The following METTL24 variants were observed in gnomAD, a reference collection of about 807,000 sequenced individuals.
METTL24 encodes the protein probable methyltransferase-like protein 24.
A neutral mutation model predicts 32.7 loss-of-function variants in METTL24; 29 were observed. That is an observed-to-expected ratio of 0.89 (90% confidence interval 0.66 to 1.21). The LOEUF (loss-of-function observed/expected upper bound fraction) is 1.21. Ranked by LOEUF, METTL24 falls within the 50% of genes most tolerant of loss-of-function variation. METTL24 has a pLI of 0.00. For missense variants in METTL24, 439 were observed against 468.1 expected, an observed-to-expected ratio of 0.94 and a Z score of 0.57; for synonymous variants, 163 against 179.5, an observed-to-expected ratio of 0.91 and a Z score of 0.73.
At chr6:110,301,694 A>G (rs569151883) in intron 3 of METTL24, among the ~76,000 whole-genome samples, 2 of 152,354 alleles carry the variant, frequency 1.3e-5, no homozygotes, top group East Asian at 3.9e-4. Context: ...CAGTAAAGAC[A>G]TACAAGCAAC....
At chr6:110,272,295 ATT>A (rs1453320670) in intron 4 of METTL24, among the ~76,000 whole-genome samples, 1 of 152,224 alleles carries the variant, frequency 6.6e-6, no homozygotes, top group African/African-American at 2.4e-5. Context: ...TGCAAAGGCT[ATT>A]ATTTCATTCC....
chr6:110,324,707 T>C lies in METTL24; in HGVS notation c.319-1835A>G, dbSNP rs533261316. Among the ~76,000 whole-genome samples the C allele has an allele frequency of 3.3e-5, 5 of 152,354 alleles. No homozygotes were observed. The South Asian group carries it at 1.0e-3, about 32-fold the overall frequency. Reference sequence around the variant, plus strand: ...CTGTGCAGGCTGAGCAGGCAGAGACTCTAGTAAGAGAGCTGGAGAACATTA... The same window carrying C: ...CTGTGCAGGCTGAGCAGGCAGAGACCCTAGTAAGAGAGCTGGAGAACATTA... On this transcript the variant is annotated intron_variant, in intron 1 of 4. Transcript: ENST00000338882.
At chr6:110,330,929 C>T (rs62435910) in intron 1 of METTL24, among the ~76,000 whole-genome samples, 16,100 of 152,194 alleles carry the variant, frequency 0.11, 1,407 homozygotes, top group African/African-American at 0.23. Context: ...GGGAAAAAGA[C>T]AATCAGCAGA....
chr6:110,292,091 T>C (rs1771331293), intron 4 of METTL24, among the ~76,000 whole-genome samples: 2 of 152,252 alleles, frequency 1.3e-5, no homozygotes, highest in Non-Finnish European at 2.9e-5. Context: ...AGTGGTTTTG[T>C]AAGTTGTCCA....
chr6:110,273,131 T>C (rs962840592), intron 4 of METTL24, among the ~76,000 whole-genome samples: 5 of 152,134 alleles, frequency 3.3e-5, no homozygotes, highest in Non-Finnish European at 7.3e-5. Context: ...TGTCTTGAGT[T>C]GATTTTTGTA....
At chr6:110,276,893 G>A (rs1427571389) in intron 4 of METTL24, among the ~76,000 whole-genome samples, 1 of 152,084 alleles carries the variant, frequency 6.6e-6, no homozygotes, top group African/African-American at 2.4e-5. Context: ...AAAAGAACAA[G>A]GGAAAAAGGG....
At chr6:110,334,090 G>A (rs1213884379) in intron 1 of METTL24, among the ~76,000 whole-genome samples, 2 of 146,890 alleles carry the variant, frequency 1.4e-5, no homozygotes, top group African/African-American at 2.5e-5. Flanking sequence ...GAAAAGGGGG[G>A]CCTGAGAGAA....
chr6:110,348,736 G>C (rs899259165), intron 1 of METTL24, among the ~76,000 whole-genome samples: 3 of 152,200 alleles, frequency 2.0e-5, no homozygotes, highest in Admixed American at 2.0e-4. Context: ...TTGACTTGGA[G>C]TCTGATTCAT....
rs200539463 is a variant in METTL24, at chr6:110,331,350, GA to G, written c.319-8479del. Among the ~76,000 whole-genome samples, 160 of 142,968 alleles carry G rather than the reference GA, an allele frequency of 1.1e-3. 2 individuals are homozygous for G. The South Asian group carries it at 0.015, about 13-fold the overall frequency. 93.8% of individuals were successfully genotyped at this position (142,968 alleles called of 152,430 possible). ...GAGGGGAAGAAAGAATGCAGTGCAG[GA>G]AAAAAAAAAATTAAAGAAATAATGA... is the stretch of plus-strand genomic sequence containing the variant. On this transcript the variant is annotated intron_variant, in intron 1 of 4. Coordinates refer to ENST00000338882, the MANE Select transcript of METTL24 (RefSeq NM_001123364.3).
intron 1 of METTL24, among the ~76,000 whole-genome samples, chr6:110,328,475 G>A (rs1233732063): frequency 1.3e-5 from 2 of 152,116 alleles, no homozygotes; most frequent in East Asian, 1.9e-4. Flanking sequence ...CTTCCCGAAG[G>A]GTAAAAAGTG....
chr6:110,270,257 C>T (rs1770931428), intron 4 of METTL24, among the ~76,000 whole-genome samples: 1 of 151,934 alleles, frequency 6.6e-6, no homozygotes, highest in Non-Finnish European at 1.5e-5. Context: ...ACTGAGGTTT[C>T]CAGGATCCTC....
intron 1 of METTL24, among the ~76,000 whole-genome samples, chr6:110,327,820 A>C (rs1384288227): frequency 6.6e-6 from 1 of 152,204 alleles, no homozygotes; most frequent in African/African-American, 2.4e-5. Flanking sequence ...CCTCTTTTTA[A>C]TCATTGTGAT....
intron 1 of METTL24, among the ~76,000 whole-genome samples, chr6:110,349,180 C>T (rs1158722819): frequency 2.0e-5 from 3 of 152,174 alleles, no homozygotes; most frequent in South Asian, 2.1e-4. Flanking sequence ...GCTTGCTACC[C>T]GTCTCCAACT....
At chr6:110,328,722 C>T (rs545525329) in intron 1 of METTL24, among the ~76,000 whole-genome samples, 1 of 152,280 alleles carries the variant, frequency 6.6e-6, no homozygotes, top group East Asian at 1.9e-4. Flanking sequence ...TACCAGCTTA[C>T]ACTCATGTAC....
At chr6:110,287,088 T>C (rs970182690) in intron 4 of METTL24, among the ~76,000 whole-genome samples, 1 of 152,180 alleles carries the variant, frequency 6.6e-6, no homozygotes, top group African/African-American at 2.4e-5. Context: ...GTTAATTCTG[T>C]CATCAGATGG....
At chr6:110,275,362 T>A (rs1771030818) in intron 4 of METTL24, among the ~76,000 whole-genome samples, 1 of 151,962 alleles carries the variant, frequency 6.6e-6, no homozygotes. Context: ...CCATGCTGAG[T>A]TTTTTACCTT....
At chr6:110,322,246 A>G (rs949817059) in intron 2 of METTL24, among the ~76,000 whole-genome samples, 3 of 152,196 alleles carry the variant, frequency 2.0e-5, no homozygotes, top group Non-Finnish European at 2.9e-5. Context: ...GTGCTCAGTA[A>G]TGATTTCAAG....
intron 2 of METTL24, among the ~76,000 whole-genome samples, chr6:110,319,009 A>T (rs1015448577): frequency 1.4e-4 from 21 of 152,180 alleles, no homozygotes; most frequent in Admixed American, 5.2e-4. Context: ...ATTTTGTGAA[A>T]TTTTTTTAAT....
chr6:110,357,881 A>T, intron 1 of METTL24, 74 bp downstream of exon 1: 1 of 881,894 alleles, frequency 1.1e-6, no homozygotes, highest in Non-Finnish European at 1.4e-6. Context: ...GCGGGACCTG[A>T]GCGCCGGGCT....
Sources: gnomAD v4.1 joint callset for allele counts (sites outside exome capture counted in the v4.1 genomes callset) on GRCh38, gnomAD v4.1.1 for gene constraint, MANE v1.5 for transcripts, NCBI Gene and HGNC (gene_info 2026-07-23, HGNC 2026-07-21) for gene names.